Variants in SLC25A21 observed in about 807,000 individuals in gnomAD.
The protein encoded by SLC25A21 is solute carrier family 25 member 21, also known as mitochondrial 2-oxodicarboxylate carrier.
Under a neutral mutation model 43.8 loss-of-function variants are expected in SLC25A21, and 47 were observed. The ratio of observed to expected loss-of-function variants is 1.07; its 90% confidence interval spans 0.85 to 1.37. The LOEUF (loss-of-function observed/expected upper bound fraction) is 1.37, where lower values mean the gene tolerates loss of function less well. Among genes scored for constraint, SLC25A21 ranks in the 40% most tolerant of loss-of-function variants. The probability of loss-of-function intolerance (pLI) is 0.00; values close to 1 mark genes in which losing one functional copy is unlikely to be tolerated. For missense variants in SLC25A21, 352 were observed against 350.2 expected (o/e 1.00, Z -0.04); for synonymous variants, 131 against 121.3 (o/e 1.08, Z -0.52).
In SLC25A21 at chr14:36,679,968, ATT is replaced by A; in HGVS notation, c.*688_*689del. 3.2e-5 allele frequency: 28 copies of A among 876,660 alleles called. No homozygotes were observed. The highest frequency in any genetic ancestry group is 3.7e-5 in the Non-Finnish European group (27 of 732,686). 54.3% of individuals were successfully genotyped at this position (876,660 alleles called of 1,614,324 possible). ...CATGCTTAAACAACAGTGTTTTAACATTCTGTTTTAAACAATGTTTTAAAATA... is the reference window on the plus strand; with the variant it reads ...CATGCTTAAACAACAGTGTTTTAACACTGTTTTAAACAATGTTTTAAAATA... On this transcript the variant is annotated 3_prime_UTR_variant, in exon 10 of 10. Coordinates refer to ENST00000331299, the MANE Select transcript of SLC25A21 (RefSeq NM_030631.4).
intron 1 of SLC25A21, among the ~76,000 whole-genome samples, chr14:36,993,717 T>C (rs1339657294): frequency 6.6e-6 from 1 of 152,078 alleles, no homozygotes; most frequent in Non-Finnish European, 1.5e-5. Flanking sequence ...TGTTAACTAG[T>C]GTGGGACTAA....
chr14:37,137,367 T>C (rs951536712), intron 1 of SLC25A21, among the ~76,000 whole-genome samples: 1 of 152,234 alleles, frequency 6.6e-6, no homozygotes, highest in Non-Finnish European at 1.5e-5. Context: ...TAAATATTAT[T>C]ATTTATGTCA....
chr14:36,993,931 T>C (rs1301477836), intron 1 of SLC25A21, among the ~76,000 whole-genome samples: 1 of 152,122 alleles, frequency 6.6e-6, no homozygotes, highest in Non-Finnish European at 1.5e-5. Flanking sequence ...AGGAAAACAT[T>C]CCCTTTACTG....
At chr14:37,135,178 T>G in intron 1 of SLC25A21, among the ~76,000 whole-genome samples, 1 of 152,152 alleles carries the variant, frequency 6.6e-6, no homozygotes, top group East Asian at 1.9e-4. Flanking sequence ...TCCACCCACC[T>G]TGGCCTCCCA....
chr14:36,914,353 C>CT (rs1244028464), intron 1 of SLC25A21, among the ~76,000 whole-genome samples: 4 of 152,162 alleles, frequency 2.6e-5, no homozygotes, highest in Non-Finnish European at 4.4e-5. Flanking sequence ...AAGGTAAACT[C>CT]TGACAGCTGA....
intron 1 of SLC25A21, among the ~76,000 whole-genome samples, chr14:37,044,658 G>C (rs1345599788): frequency 6.6e-6 from 1 of 152,092 alleles, no homozygotes. Context: ...TACATTATTG[G>C]GCTTTCTTAA....
chr14:37,081,647 A>T (rs17106258), intron 1 of SLC25A21, among the ~76,000 whole-genome samples: 1,714 of 152,330 alleles, frequency 0.011, 27 homozygotes, highest in African/African-American at 0.04. Context: ...GTTGCTTTAT[A>T]TTGCTTAGAG....
At chr14:36,702,254 T>G (rs1594503399) in intron 7 of SLC25A21, among the ~76,000 whole-genome samples, 1 of 152,022 alleles carries the variant, frequency 6.6e-6, no homozygotes, top group African/African-American at 2.4e-5. Flanking sequence ...GATAGTCACA[T>G]TCCTGTTCTT....
intron 1 of SLC25A21, among the ~76,000 whole-genome samples, chr14:37,010,925 C>T (rs1358623103): frequency 6.6e-6 from 1 of 151,850 alleles, no homozygotes; most frequent in East Asian, 1.9e-4. Flanking sequence ...CTTTTTCTGT[C>T]GCCCAGTCTG....
chr14:36,978,255 T>C (rs10150136), intron 1 of SLC25A21, among the ~76,000 whole-genome samples: 7,124 of 152,228 alleles, frequency 0.047, 581 homozygotes, highest in African/African-American at 0.16. Flanking sequence ...GGTTTGGTTC[T>C]AGACTACTAC....
intron 1 of SLC25A21, among the ~76,000 whole-genome samples, chr14:37,167,741 C>T (rs892979395): frequency 9.2e-5 from 14 of 152,156 alleles, no homozygotes; most frequent in South Asian, 4.2e-4. Context: ...GCAGACCCTG[C>T]GTTTGATGGA....
intron 1 of SLC25A21, among the ~76,000 whole-genome samples, chr14:36,922,531 A>C (rs988845342): frequency 9.9e-6 from 1 of 101,112 alleles, no homozygotes; most frequent in Non-Finnish European, 2.1e-5. Flanking sequence ...AATCCTCATA[A>C]AGGCCCTCTT....
At chr14:36,791,125 C>T (rs2138400315) in intron 3 of SLC25A21, among the ~76,000 whole-genome samples, 1 of 152,186 alleles carries the variant, frequency 6.6e-6, no homozygotes, top group South Asian at 2.1e-4. Flanking sequence ...AGGATCCTTT[C>T]AGAATTATTT....
At chr14:37,116,504 C>T (rs1433146395) in intron 1 of SLC25A21, among the ~76,000 whole-genome samples, 1 of 152,080 alleles carries the variant, frequency 6.6e-6, no homozygotes, top group Non-Finnish European at 1.5e-5. Context: ...AGAACATATC[C>T]TTTTAATAAA....
chr14:37,040,582 T>C (rs922599154), intron 1 of SLC25A21, among the ~76,000 whole-genome samples: 14 of 151,894 alleles, frequency 9.2e-5, no homozygotes, highest in Admixed American at 1.3e-4. Context: ...TGAGACTTAT[T>C]GAAGGCATCT....
intron 1 of SLC25A21, among the ~76,000 whole-genome samples, chr14:36,941,680 TA>T (rs1297427552): frequency 2.0e-5 from 3 of 151,900 alleles, no homozygotes; most frequent in African/African-American, 7.2e-5. Context: ...AGAATAATTT[TA>T]AATGCTATTC....
rs1411618766 is a variant in SLC25A21 at position 36,734,558 on chromosome 14, G to A, written c.219C>T (p.Tyr73=). 1 of 1,605,834 alleles carries A rather than the reference G, an allele frequency of 6.2e-7. No homozygotes were observed. Among genetic ancestry groups the A allele is most frequent in the East Asian group, 2.2e-5 (1 of 44,704 alleles). The change falls in exon 4 of 10, where the codon TAC becomes TAT. Residue 73 remains tyrosine (Y), a synonymous_variant. Transcript: ENST00000331299. ...IFQMEGLFGF[Y]KGILPPILAE... is the part of the protein sequence containing the mutation. ...CCAAGATAGGTGGCAGAATTCCCTT[G>A]TAAAAACCAAATAACCTGTTGGAGA...
intron 1 of SLC25A21, among the ~76,000 whole-genome samples, chr14:36,922,718 C>G (rs1349670408): frequency 1.3e-5 from 2 of 152,024 alleles, no homozygotes; most frequent in Non-Finnish European, 2.9e-5. Flanking sequence ...ATGGAACATT[C>G]AGTATAGACT....
intron 1 of SLC25A21, among the ~76,000 whole-genome samples, chr14:37,032,593 C>T (rs1027199158): frequency 7.0e-6 from 1 of 142,744 alleles, no homozygotes; most frequent in African/African-American, 2.8e-5. Context: ...ATTGCTTGAA[C>T]CCGGGAGGTG....
Sources: gnomAD v4.1 joint callset for allele counts (sites outside exome capture counted in the v4.1 genomes callset) on GRCh38, gnomAD v4.1.1 for gene constraint, MANE v1.5 for transcripts, NCBI Gene and HGNC (gene_info 2026-07-23, HGNC 2026-07-21) for gene names.